Variants in THOC1 observed in about 807,000 individuals in gnomAD.
THOC1 encodes the protein THO complex subunit 1.
Under a neutral mutation model 97.3 loss-of-function variants are expected in THOC1, and 29 were observed. That is an observed-to-expected ratio of 0.30 (90% CI 0.22 to 0.41). THOC1 has a LOEUF of 0.41. Ranked by LOEUF, THOC1 falls within the 10% of genes least tolerant of loss-of-function variation. THOC1 has a pLI of 1.00. For missense variants in THOC1, 529 were observed against 761.9 expected, an observed-to-expected ratio of 0.69 and a Z score of 3.60; for synonymous variants, 255 against 257.0, an observed-to-expected ratio of 0.99 and a Z score of 0.07.
chr18:218,391 A>T lies in THOC1; in HGVS notation c.1454+495T>A, dbSNP rs190475333. Among the ~76,000 whole-genome samples the T allele has an allele frequency of 9.2e-5, 14 of 152,306 alleles. 1 individual carries two copies. In the East Asian group the frequency reaches 2.7e-3, roughly 29 times the overall value. On this transcript the variant is annotated intron_variant, in intron 18 of 20. Coordinates refer to ENST00000261600, the MANE Select transcript of THOC1 (RefSeq NM_005131.3). ...CGGTGTCACCCAGAAGGTTCTAGAT[A>T]AAGAGGCTAAGACCAATTCCTGATG...
At chr18:223,199 G>A (rs1253839145) in intron 17 of THOC1, among the ~76,000 whole-genome samples, 1 of 151,992 alleles carries the variant, frequency 6.6e-6, no homozygotes, top group Non-Finnish European at 1.5e-5. Context: ...CAGTTCATAG[G>A]CTTACTCTTC....
In THOC1 at chr18:216,496, T is replaced by C. The variant is rs1436910640; in HGVS notation, c.1592A>G (p.Lys531Arg). 6.2e-7 allele frequency: 1 copy of C among 1,613,730 alleles called. No homozygotes were observed. The highest frequency in any genetic ancestry group is 1.7e-5 in the Admixed American group (1 of 59,988). ...YLENMVIKLA[K>R]ELPPPSEEIK... ...ATCTATGGTACTTACCGGTAATTCC[T>C]TGGCTAGCTTTATTACCATATTTTC... The change falls in exon 19 of 21, where the codon AAG (lysine) becomes AGG (arginine). Residue 531 changes from lysine to arginine, a missense_variant. Physicochemically the swap from Lys to Arg is conservative, Grantham distance 26. Around this residue, in one of 8 missense-constraint regions of THOC1, gnomAD observed 27 missense variants for 80.6 expected, o/e 0.33. Coordinates refer to ENST00000261600, the MANE Select transcript of THOC1 (RefSeq NM_005131.3).
At chr18:220,710 G>C (rs1911047136) in intron 17 of THOC1, among the ~76,000 whole-genome samples, 1 of 152,128 alleles carries the variant, frequency 6.6e-6, no homozygotes, top group Non-Finnish European at 1.5e-5. Context: ...CTATTCATTT[G>C]TACATTTTTC....
chr18:223,867 C>G (rs1411019416), intron 16 of THOC1, among the ~76,000 whole-genome samples: 1 of 152,070 alleles, frequency 6.6e-6, no homozygotes, highest in East Asian at 1.9e-4. Context: ...ATGGCACAGC[C>G]TAGAGACACA....
At chr18:218,087 T>A (rs1910955754) in intron 18 of THOC1, among the ~76,000 whole-genome samples, 1 of 152,166 alleles carries the variant, frequency 6.6e-6, no homozygotes, top group Non-Finnish European at 1.5e-5. Flanking sequence ...AATTAACAAC[T>A]CTGGTCACAG....
intron 11 of THOC1, among the ~76,000 whole-genome samples, chr18:240,851 C>T (rs544059168): frequency 1.3e-5 from 2 of 152,232 alleles, no homozygotes; most frequent in East Asian, 3.9e-4. Flanking sequence ...AAGCCCTGAG[C>T]TTGTTTACCT....
Position 264,104 on chromosome 18 carries a change from G to T in THOC1, c.190-12C>A. 6.3e-7 allele frequency: 1 copy of T among 1,598,028 alleles called. No homozygotes were observed. Among genetic ancestry groups the T allele is most frequent in the Non-Finnish European group, 8.6e-7 (1 of 1,169,012 alleles). On this transcript the variant is annotated splice_polypyrimidine_tract_variant and intron_variant, in intron 3 of 20. Coordinates refer to ENST00000261600, the MANE Select transcript of THOC1 (RefSeq NM_005131.3). ...GATGAATGATTTATCTACCAACAGA[G>T]GAGAAACAATTTAATTTAGGGGCAA...
chr18:240,867 T>C (rs1338725420), intron 11 of THOC1, among the ~76,000 whole-genome samples: 2 of 152,162 alleles, frequency 1.3e-5, no homozygotes, highest in Admixed American at 6.5e-5. Context: ...TACCTGCAAC[T>C]AGAAGGTCCC....
At chr18:249,639 G>A (rs1567853706) in intron 9 of THOC1, among the ~76,000 whole-genome samples, 3 of 150,394 alleles carry the variant, frequency 2.0e-5, no homozygotes, top group African/African-American at 7.4e-5. Context: ...TCCAGCCTGG[G>A]TGACAGAGCG....
intron 9 of THOC1, 117 bp downstream of exon 9, chr18:252,422 G>T: frequency 2.6e-6 from 2 of 784,118 alleles, no homozygotes; most frequent in South Asian, 1.6e-5. Flanking sequence ...AATTACAAAT[G>T]AAAGAAATTT....
chr18:251,601 T>C (rs185970126), intron 9 of THOC1, among the ~76,000 whole-genome samples: 1 of 152,366 alleles, frequency 6.6e-6, no homozygotes, highest in African/African-American at 2.4e-5. Flanking sequence ...GGCCACGGTC[T>C]ATGTAGAGTT....
intron 11 of THOC1, among the ~76,000 whole-genome samples, chr18:234,514 A>T (rs952948043): frequency 3.3e-5 from 5 of 152,002 alleles, no homozygotes; most frequent in Non-Finnish European, 7.4e-5. Context: ...TTCTGAGATG[A>T]TCATACAGAT....
intron 3 of THOC1, among the ~76,000 whole-genome samples, chr18:264,645 T>C (rs577555094): frequency 6.6e-6 from 1 of 152,304 alleles, no homozygotes; most frequent in African/African-American, 2.4e-5. Context: ...TGCCTCACAA[T>C]GGAAAAGTGA....
chr18:215,329 G>A (rs1208355818), intron 20 of THOC1, 100 bp downstream of exon 20: 2 of 853,084 alleles, frequency 2.3e-6, no homozygotes, highest in Non-Finnish European at 1.9e-6. Flanking sequence ...GATAAAATGG[G>A]AGAAGTTGAG....
chr18:238,024 G>A lies in THOC1; in HGVS notation c.918+8300C>T, dbSNP rs373758655. Among the ~76,000 whole-genome samples, 66 of 151,948 alleles carry A rather than the reference G, an allele frequency of 4.3e-4. No individual in the cohort carries two copies. The East Asian group carries it at 0.01, about 23-fold the overall frequency. ...TGGGATTACAGGCACGCACCACCAC[G>A]CCTGGATAATTTTTGTATTTTGTGG... On this transcript the variant is annotated intron_variant, in intron 11 of 20. Coordinates refer to ENST00000261600, the MANE Select transcript of THOC1 (RefSeq NM_005131.3).
chr18:218,384 T>C (rs1188485305), intron 18 of THOC1, among the ~76,000 whole-genome samples: 1 of 152,124 alleles, frequency 6.6e-6, no homozygotes, highest in Non-Finnish European at 1.5e-5. Flanking sequence ...CCCAGAAGGT[T>C]CTAGATAAAG....
At position 268,039 on chromosome 18, in the gene THOC1, C is replaced by A. The variant is rs1236193826; in HGVS notation, c.-20G>T. On this transcript the variant is annotated 5_prime_UTR_variant, in exon 1 of 21. Coordinates refer to ENST00000261600, the MANE Select transcript of THOC1 (RefSeq NM_005131.3). ...AGACATCTTCTCGGCTGCGCGTGCC[C>A]GCCACTGCGCTGCGGCGCCTGCCGA... 2 of 1,583,602 alleles carry A rather than the reference C, an allele frequency of 1.3e-6. No individual in the cohort carries two copies. The highest frequency in any genetic ancestry group is 1.7e-6 in the Non-Finnish European group (2 of 1,166,086).
At chr18:248,687 G>A (rs1912174283) in intron 9 of THOC1, among the ~76,000 whole-genome samples, 1 of 151,938 alleles carries the variant, frequency 6.6e-6, no homozygotes, top group Non-Finnish European at 1.5e-5. Context: ...CTTTATTATG[G>A]CACTACTAAT....
intron 11 of THOC1, chr18:246,119 A>C (rs945035925): frequency 1.2e-5 from 5 of 418,410 alleles, no homozygotes; most frequent in African/African-American, 1.0e-4. Context: ...GACTTAATGT[A>C]GAACTACTTT....
Sources: allele counts gnomAD v4.1 joint callset (sites outside exome capture counted in the v4.1 genomes callset), GRCh38; gene constraint gnomAD v4.1.1; regional missense constraint gnomAD v4.1.1; transcripts MANE v1.5; gene names NCBI Gene and HGNC (gene_info 2026-07-23, HGNC 2026-07-21).